WASF3: variants seen among roughly 807,000 people sequenced by gnomAD.
WASF3 encodes the protein WASP family member 3.
A neutral mutation model predicts 46.6 loss-of-function variants in WASF3; 11 were observed. That is an observed-to-expected ratio of 0.24 (90% confidence interval 0.15 to 0.39). The LOEUF is 0.39. WASF3 is among the 10% of genes least tolerant of loss of function. The probability of loss-of-function intolerance (pLI) is 1.00; values close to 1 mark genes in which losing one functional copy is unlikely to be tolerated. For synonymous variants in WASF3, 242 were observed against 259.7 expected (o/e 0.93, Z 0.65); for missense variants, 576 against 669.8 (o/e 0.86, Z 1.55).
chr13:26,661,967 G>C (rs1593176622), intron 3 of WASF3, among the ~76,000 whole-genome samples: 1 of 152,282 alleles, frequency 6.6e-6, no homozygotes, highest in East Asian at 1.9e-4. Context: ...AGCTACTACT[G>C]TGAGGAAGGG....
At chr13:26,544,674 G>A in the WASF3 span, among the ~76,000 whole-genome samples, 1 of 152,224 alleles carries the variant, frequency 6.6e-6, no homozygotes, top group Non-Finnish European at 1.5e-5. Context: ...ATCTGGCATT[G>A]TTTCCCTGGT....
chr13:26,647,562 T>A (rs769718200), intron 3 of WASF3, among the ~76,000 whole-genome samples: 26 of 152,204 alleles, frequency 1.7e-4, no homozygotes, highest in Non-Finnish European at 3.2e-4. Flanking sequence ...GGTATTATGA[T>A]GTAGTTTCAA....
intron 2 of WASF3, among the ~76,000 whole-genome samples, chr13:26,627,677 A>G (rs9788361): frequency 0.29 from 43,815 of 151,934 alleles, 6,740 homozygotes; most frequent in East Asian, 0.57. Context: ...AAAATTAGCT[A>G]CCCAAGTTGC....
chr13:26,633,200 C>CTTTTTTTTTTTCTTTTTTTTT (rs1881707614), intron 2 of WASF3, among the ~76,000 whole-genome samples: 1 of 90,420 alleles, frequency 1.1e-5, no homozygotes, highest in Non-Finnish European at 2.1e-5. Flanking sequence ...TTAGTTATTT[C>CTTTTTTTTTTTCTTTTTTTTT]TTTTTTTTTT....
At chr13:26,554,430 C>A (rs1318652474), upstream of WASF3, among the ~76,000 whole-genome samples, 3 of 152,020 alleles carry the variant, frequency 2.0e-5, no homozygotes, top group East Asian at 5.8e-4. Context: ...TGCACATAGC[C>A]CAAAAACTTC....
At chr13:26,581,558 T>C (rs1879981325) in intron 1 of WASF3, among the ~76,000 whole-genome samples, 1 of 152,064 alleles carries the variant, frequency 6.6e-6, no homozygotes, top group South Asian at 2.1e-4. Context: ...TTTGTTCCAA[T>C]CAGAGCAACT....
chr13:26,661,116 C>G (rs1202420784), intron 3 of WASF3, among the ~76,000 whole-genome samples: 16 of 152,234 alleles, frequency 1.1e-4, no homozygotes, highest in Admixed American at 1.0e-3. Context: ...TGTCCCACCT[C>G]CAACATTGGG....
chr13:26,664,265 AAAGTT>A (rs1190790598), intron 3 of WASF3, among the ~76,000 whole-genome samples: 4 of 152,222 alleles, frequency 2.6e-5, no homozygotes, highest in Non-Finnish European at 5.9e-5. Flanking sequence ...GTCTGTCAGA[AAAGTT>A]AAGGTGAGAT....
At chr13:26,548,379 A>G in the WASF3 span, among the ~76,000 whole-genome samples, 1 of 152,198 alleles carries the variant, frequency 6.6e-6, no homozygotes, top group East Asian at 1.9e-4. Flanking sequence ...TATCCCTGAG[A>G]CATGTCCCAC....
At chr13:26,661,649 G>A (rs1375982098) in intron 3 of WASF3, among the ~76,000 whole-genome samples, 2 of 152,048 alleles carry the variant, frequency 1.3e-5, no homozygotes, top group African/African-American at 4.8e-5. Context: ...AGAGTTGCTG[G>A]GTCATATGTT....
At chr13:26,677,990 A>T (rs183191303) in intron 7 of WASF3, among the ~76,000 whole-genome samples, 10 of 151,804 alleles carry the variant, frequency 6.6e-5, no homozygotes, top group African/African-American at 2.2e-4. Context: ...GTTGAATGAT[A>T]CTCCTTCTAG....
At chr13:26,672,675 A>G (rs914240357) in intron 6 of WASF3, among the ~76,000 whole-genome samples, 5 of 152,188 alleles carry the variant, frequency 3.3e-5, no homozygotes, top group African/African-American at 1.2e-4. Flanking sequence ...TAATATTTTT[A>G]TATGTCAGCT....
chr13:26,681,383 G>A, intron 8 of WASF3, 63 bp downstream of exon 8: 1 of 1,484,974 alleles, frequency 6.7e-7, no homozygotes, highest in Non-Finnish European at 9.0e-7. Flanking sequence ...TGCTCTATGT[G>A]GTAGGAGAAT....
At chr13:26,588,401 C>T (rs933719057) in intron 1 of WASF3, among the ~76,000 whole-genome samples, 3 of 152,144 alleles carry the variant, frequency 2.0e-5, no homozygotes, top group Non-Finnish European at 2.9e-5. Flanking sequence ...ACCACAGAGT[C>T]CCAATTCCAG....
intron 3 of WASF3, among the ~76,000 whole-genome samples, chr13:26,653,379 C>T (rs1463962327): frequency 3.3e-5 from 5 of 152,164 alleles, no homozygotes; most frequent in Non-Finnish European, 7.4e-5. Flanking sequence ...AGCAAGATTC[C>T]TTGAAGGATG....
At chr13:26,655,523 CT>C (rs956336570) in intron 3 of WASF3, among the ~76,000 whole-genome samples, 5 of 152,204 alleles carry the variant, frequency 3.3e-5, no homozygotes, top group African/African-American at 9.6e-5. Flanking sequence ...TGGGGAGACA[CT>C]TTGAGACTAT....
At chr13:26,559,804 CTTTCTTTTTTTTTT>C (rs1222395742) in intron 1 of WASF3, among the ~76,000 whole-genome samples, 24 of 50,662 alleles carry the variant, frequency 4.7e-4, no homozygotes, top group South Asian at 7.8e-4. Flanking sequence ...TTCTTTCTTT[CTTTCTTTTTTTTTT>C]TTTTTTTTTT....
intron 9 of WASF3, among the ~76,000 whole-genome samples, chr13:26,683,488 GAATTGA>G (rs145135303): frequency 0.29 from 43,270 of 148,214 alleles, 6,421 homozygotes; most frequent in South Asian, 0.39. Context: ...AAAAAAAAAA[GAATTGA>G]AATTAGGAAG....
the WASF3 span, among the ~76,000 whole-genome samples, chr13:26,543,879 C>A: frequency 2.0e-5 from 3 of 152,180 alleles, no homozygotes; most frequent in Admixed American, 2.0e-4. Context: ...ATGTCATTAG[C>A]TGTAGCCATA....
Sources: allele counts gnomAD v4.1 joint callset (sites outside exome capture counted in the v4.1 genomes callset), GRCh38; gene constraint gnomAD v4.1.1; transcripts MANE v1.5; gene names NCBI Gene and HGNC (gene_info 2026-07-23, HGNC 2026-07-21).